The following ABHD18 variants were observed in gnomAD, a reference collection of about 807,000 sequenced individuals.
ABHD18 encodes the protein cardiolipin-specific deacylase, mitochondrial.
In ABHD18, 55 loss-of-function variants were observed where a neutral mutation model predicts 65.9. The ratio of observed to expected loss-of-function variants is 0.84; its 90% confidence interval spans 0.67 to 1.05. The LOEUF is 1.05. ABHD18 is among the 50% of genes least tolerant of loss of function. ABHD18 has a pLI of 0.00. For synonymous variants in ABHD18, 181 were observed against 180.2 expected, an observed-to-expected ratio of 1.00 and a Z score of -0.04; for missense variants, 533 against 558.5, an observed-to-expected ratio of 0.95 and a Z score of 0.46.
chr4:127,971,582 C>T (rs962051742), intron 1 of ABHD18, among the ~76,000 whole-genome samples: 19 of 146,760 alleles, frequency 1.3e-4, no homozygotes, highest in African/African-American at 4.8e-4. Context: ...CCTCTGCCTC[C>T]CTGGTTCAAA....
chr4:128,000,228 T>G (rs980443875), intron 4 of ABHD18, among the ~76,000 whole-genome samples: 12 of 152,026 alleles, frequency 7.9e-5, no homozygotes, highest in Non-Finnish European at 1.6e-4. Context: ...ATTTCCTAGG[T>G]TTTTCTTCTG....
At chr4:128,029,332 C>T (rs1757862001) in intron 11 of ABHD18, among the ~76,000 whole-genome samples, 1 of 152,066 alleles carries the variant, frequency 6.6e-6, no homozygotes, top group African/African-American at 2.4e-5. Context: ...TGCACTCCAT[C>T]CTGGGTGACA....
At chr4:128,011,930 CTT>C (rs1754650344) in intron 7 of ABHD18, among the ~76,000 whole-genome samples, 1 of 150,866 alleles carries the variant, frequency 6.6e-6, no homozygotes, top group African/African-American at 2.4e-5. Flanking sequence ...AACAGGTAGA[CTT>C]AATATATAGT....
chr4:128,021,484 T>C (rs1756490761), intron 10 of ABHD18, among the ~76,000 whole-genome samples: 2 of 152,126 alleles, frequency 1.3e-5, no homozygotes, highest in African/African-American at 2.4e-5. Context: ...GCCAACCCCA[T>C]CACTACTAAA....
chr4:128,020,544 A>G (rs1256681626), intron 9 of ABHD18, among the ~76,000 whole-genome samples: 1 of 152,216 alleles, frequency 6.6e-6, no homozygotes, highest in Non-Finnish European at 1.5e-5. Flanking sequence ...TGACTTAGAT[A>G]ACTTCTGCCT....
Position 128,030,438 on chromosome 4 carries a change from A to G in ABHD18, c.1181-72A>G, listed in dbSNP as rs1207091746. Reference sequence around the variant, plus strand: ...AAATGTTTAGTTTGACGAATGTTTTATTTACTGCATTGTGTGGGTTTTTTT... The same window carrying G: ...AAATGTTTAGTTTGACGAATGTTTTGTTTACTGCATTGTGTGGGTTTTTTT... On this transcript the variant is annotated intron_variant, in intron 11 of 12. Transcript: ENST00000645843. The G allele has an allele frequency of 4.7e-6, 5 of 1,063,670 alleles. No homozygotes were observed. The South Asian group carries it at 9.6e-5, about 20-fold the overall frequency. The allele number at this position is 1,063,670 out of a possible 1,614,324, so 65.9% of individuals were successfully genotyped here.
Position 128,028,636 on chromosome 4 carries a change from T to C in ABHD18, c.963T>C (p.Ser321=), listed in dbSNP as rs1757734740. The change falls in exon 11 of 13, where the codon TCT becomes TCC. Residue 321 remains serine (S), a synonymous_variant. Coordinates refer to ENST00000645843, the MANE Select transcript of ABHD18 (RefSeq NM_001358451.3). ...PADCHNSSKT[S]VSATSEGLLL... ...ACTGCCATAATTCTAGCAAAACATC[T>C]GTCAGTGCGACATCAGAAGGACTCT... 1 of 1,613,922 alleles carries C rather than the reference T, an allele frequency of 6.2e-7. No homozygotes were observed. Among genetic ancestry groups the C allele is most frequent in the Non-Finnish European group, 8.5e-7 (1 of 1,179,868 alleles).
intron 10 of ABHD18, among the ~76,000 whole-genome samples, chr4:128,022,893 C>G (rs751712021): frequency 6.6e-6 from 1 of 151,886 alleles, no homozygotes; most frequent in African/African-American, 2.4e-5. Context: ...GCCTCAGCCT[C>G]CTGAGCAGCT....
Position 128,009,120 on chromosome 4 carries a change from G to A in ABHD18, c.371G>A (p.Arg124Gln), listed in dbSNP as rs769642474. ...AGTGDHHYWR[R>Q]RTLMARPMIK... ...TTCTTTCCTTAGCATTACTGGAGGC[G>A]ACGAACACTAATGGCCCGTCCTATG... is the stretch of plus-strand genomic sequence containing the variant. Residue 124 changes from arginine (R) to glutamine (Q), a missense_variant, in exon 6 of 13, where the codon CGA (arginine) becomes CAA (glutamine). Physicochemically the swap from Arg to Gln is conservative, Grantham distance 43. Around this residue, in one of 3 missense-constraint regions of ABHD18, gnomAD observed 309 missense variants for 313.5 expected, o/e 0.99. Transcript: ENST00000645843. 5 of 1,571,550 alleles carry A rather than the reference G, an allele frequency of 3.2e-6. No homozygotes were observed. The highest frequency in any genetic ancestry group is 2.3e-5 in the East Asian group (1 of 43,412).
chr4:128,004,931 C>T (rs1351223422), intron 4 of ABHD18, among the ~76,000 whole-genome samples: 1 of 141,670 alleles, frequency 7.1e-6, no homozygotes, highest in Non-Finnish European at 1.5e-5. Flanking sequence ...CAAAACAAAA[C>T]AAAAATTATA....
Position 128,007,323 on chromosome 4 carries a change from G to A in ABHD18, c.279-1597G>A, listed in dbSNP as rs1753759398. Among the ~76,000 whole-genome samples, 3 of 110,818 alleles carry A rather than the reference G, an allele frequency of 2.7e-5. No individual in the cohort carries two copies. The South Asian group carries it at 9.1e-4, about 34-fold the overall frequency. 72.7% of individuals were successfully genotyped at this position (110,818 alleles called of 152,430 possible). A position where few individuals can be genotyped will look rare whatever the true frequency, so the allele number is the denominator to read the frequency against. On this transcript the variant is annotated intron_variant, in intron 4 of 12. Transcript: ENST00000645843. ...CAATTATGGGCTAAAGTGAGACCTT[G>A]TCTCTAAAAAAAAAAAAAAAAAAAA...
intron 10 of ABHD18, among the ~76,000 whole-genome samples, chr4:128,022,067 C>T (rs942926182): frequency 2.6e-5 from 4 of 152,032 alleles, no homozygotes; most frequent in Admixed American, 6.6e-5. Context: ...CATCACACAC[C>T]GGGGCCTGTT....
intron 4 of ABHD18, among the ~76,000 whole-genome samples, chr4:127,999,296 A>G (rs944007200): frequency 2.6e-5 from 4 of 152,130 alleles, no homozygotes; most frequent in Non-Finnish European, 5.9e-5. Flanking sequence ...AAATAGAAAT[A>G]AAAAGTAAGA....
chr4:128,035,278 C>G lies in ABHD18; in HGVS notation c.1344-484C>G, dbSNP rs559484354. ...AGAAAAAGATAATGCTTTTAGATCC[C>G]TCATAAATTGGAAGTATATTTGAGG... On this transcript the variant is annotated intron_variant, in intron 12 of 12. Transcript: ENST00000645843. 2.4e-3 allele frequency among the ~76,000 whole-genome samples: 365 copies of G among 152,214 alleles called. 1 individual carries two copies. The highest frequency in any genetic ancestry group is 0.012 in the South Asian group (58 of 4,830).
Position 128,028,496 on chromosome 4 carries a change from C to A in ABHD18, c.823C>A (p.Gln275Lys). 1.3e-6 allele frequency: 2 copies of A among 1,572,450 alleles called. No homozygotes were observed. The highest frequency in any genetic ancestry group is 3.4e-4 in the Middle Eastern group (2 of 5,888). ...TCAGACAGATTCTTTCAAAATGGGA[C>A]AAGAGTTTGTGAAACACTTCACTAG... The part of the protein sequence containing the change: ...YCGTDSFKMG[Q>K]EFVKHFTSSA... The change falls in exon 11 of 13, where the codon CAA becomes AAA. Residue 275 changes from glutamine (Q) to lysine (K), a missense_variant. Physicochemically the swap from Gln to Lys is moderately conservative, Grantham distance 53. This residue lies in a region of ABHD18 where 220 missense variants were observed against 226.8 expected (regional missense o/e 0.97). Transcript: ENST00000645843.
At chr4:127,994,599 A>G (rs1315261131) in intron 4 of ABHD18, among the ~76,000 whole-genome samples, 11 of 152,190 alleles carry the variant, frequency 7.2e-5, no homozygotes, top group Admixed American at 7.2e-4. Context: ...AAACAAACAA[A>G]AAAAACAAAC....
chr4:128,039,179 ATATAT>A lies in ABHD18; in HGVS notation c.*3367_*3371del, dbSNP rs1759148382. 1 of 137,308 alleles carries A rather than the reference ATATAT, an allele frequency of 7.3e-6. No homozygotes were observed. The highest frequency in any genetic ancestry group is 2.9e-5 in the African/African-American group (1 of 34,900). 8.5% of individuals were successfully genotyped at this position (137,308 alleles called of 1,614,324 possible). A position where few individuals can be genotyped will look rare whatever the true frequency, so the allele number is the denominator to read the frequency against. On this transcript the variant is annotated 3_prime_UTR_variant, in exon 13 of 13. Transcript: ENST00000645843. ...TATATATATATATATATATATATAT[ATATAT>A]AATCTCAAAGAAGTGCGGTCTGCCA...
chr4:127,998,827 A>T (rs1447664337), intron 4 of ABHD18, among the ~76,000 whole-genome samples: 1 of 152,134 alleles, frequency 6.6e-6, no homozygotes, highest in African/African-American at 2.4e-5. Context: ...AAATTATATG[A>T]ATTGTCTAAG....
chr4:128,026,458 CAA>C (rs1196814395), intron 10 of ABHD18, among the ~76,000 whole-genome samples: 40 of 102,062 alleles, frequency 3.9e-4, no homozygotes, highest in Admixed American at 6.2e-4. Context: ...GACTCCACCT[CAA>C]AAAAAAAAAA....
Sources: gnomAD v4.1 joint callset for allele counts (sites outside exome capture counted in the v4.1 genomes callset) on GRCh38, gnomAD v4.1.1 for gene constraint, gnomAD v4.1.1 regional missense constraint, MANE v1.5 for transcripts, NCBI Gene and HGNC (gene_info 2026-07-23, HGNC 2026-07-21) for gene names.